The following DSCAML1 variants were observed in gnomAD, a reference collection of about 807,000 sequenced individuals.
DSCAML1 encodes cell adhesion molecule DSCAML1.
A neutral mutation model predicts 200.5 loss-of-function variants in DSCAML1; 38 were observed. The ratio of observed to expected loss-of-function variants is 0.19; its 90% CI spans 0.15 to 0.25. The LOEUF is 0.25. Among genes scored for constraint, DSCAML1 ranks in the 10% least tolerant of loss-of-function variants. The pLI is 1.00. For synonymous variants in DSCAML1, 1,215 were observed against 1,165.0 expected (o/e 1.04, Z -0.87); for missense variants, 2,223 against 2,858.8 (o/e 0.78, Z 5.07).
intron 3 of DSCAML1, among the ~76,000 whole-genome samples, chr11:117,641,113 A>T (rs1011242365): frequency 6.6e-6 from 1 of 152,222 alleles, no homozygotes; most frequent in East Asian, 1.9e-4. Flanking sequence ...CCTGTTTCCA[A>T]TAGGGGTAGG....
chr11:117,455,727 C>T (rs1330186263), intron 19 of DSCAML1, among the ~76,000 whole-genome samples: 2 of 151,908 alleles, frequency 1.3e-5, no homozygotes, highest in Non-Finnish European at 2.9e-5. Flanking sequence ...AGGATATTTG[C>T]AAAAGCTCCC....
At chr11:117,541,967 C>CTGA (rs2050277601) in intron 3 of DSCAML1, among the ~76,000 whole-genome samples, 1 of 152,180 alleles carries the variant, frequency 6.6e-6, no homozygotes, top group Admixed American at 6.5e-5. Flanking sequence ...AGGATGGAAC[C>CTGA]ACATTCAAGT....
At chr11:117,559,380 C>T (rs760301263) in intron 3 of DSCAML1, among the ~76,000 whole-genome samples, 4 of 152,290 alleles carry the variant, frequency 2.6e-5, no homozygotes, top group South Asian at 4.1e-4. Context: ...GCCTCACTTT[C>T]GTAACCAACT....
At chr11:117,660,439 T>C (rs886433553) in intron 3 of DSCAML1, among the ~76,000 whole-genome samples, 17 of 152,198 alleles carry the variant, frequency 1.1e-4, no homozygotes, top group African/African-American at 4.8e-5. Flanking sequence ...GGCTGGATTC[T>C]GTAATCTCTG....
rs546788837 is a variant in DSCAML1, at chr11:117,770,294, T to C, written c.511+6497A>G. ...AGGGGTCCAAGCTCCTTTTGTTGAA[T>C]TGCCTCGGATCTATCATCTATTTCC... On this transcript the variant is annotated intron_variant, in intron 3 of 32. Coordinates refer to ENST00000651296, the MANE Select transcript of DSCAML1 (RefSeq NM_020693.4). Among the ~76,000 whole-genome samples, 49 of 152,326 alleles carry C rather than the reference T, an allele frequency of 3.2e-4. 2 individuals carry two copies. In the South Asian group the frequency reaches 9.5e-3, roughly 30 times the overall value.
intron 1 of DSCAML1, among the ~76,000 whole-genome samples, chr11:117,794,552 C>T (rs71480357): frequency 1.3e-5 from 2 of 152,084 alleles, no homozygotes; most frequent in Non-Finnish European, 2.9e-5. Flanking sequence ...GTTTTCTTCT[C>T]TCTCTCCCTG....
chr11:117,547,487 TAC>T (rs2137382757), intron 3 of DSCAML1, among the ~76,000 whole-genome samples: 1 of 142,620 alleles, frequency 7.0e-6, no homozygotes, highest in East Asian at 2.0e-4. Context: ...CCCTACACCC[TAC>T]ACCGCCATTA....
At chr11:117,593,972 C>T (rs899839081) in intron 3 of DSCAML1, among the ~76,000 whole-genome samples, 1 of 152,162 alleles carries the variant, frequency 6.6e-6, no homozygotes, top group Non-Finnish European at 1.5e-5. Flanking sequence ...CTCAGCCTTC[C>T]AAAGTGCTGG....
At chr11:117,536,294 C>T (rs973416353) in intron 3 of DSCAML1, among the ~76,000 whole-genome samples, 6 of 151,934 alleles carry the variant, frequency 3.9e-5, no homozygotes, top group African/African-American at 2.4e-5. Flanking sequence ...AGGCCCGGCC[C>T]GCTGTTTGGG....
At chr11:117,592,609 A>G (rs372413232) in intron 3 of DSCAML1, among the ~76,000 whole-genome samples, 2 of 152,190 alleles carry the variant, frequency 1.3e-5, no homozygotes, top group East Asian at 1.9e-4. Context: ...TAGTCATTGT[A>G]TTGAGCTAAT....
rs977800577 is a variant in DSCAML1 at position 117,582,197 on chromosome 11, A to G, written c.512-49675T>C. On this transcript the variant is annotated intron_variant, in intron 3 of 32. Transcript: ENST00000651296. The stretch of plus-strand genomic sequence containing the variant: ...TGGACCTGGTGTCTAATTTTATTTC[A>G]GCTGCTGCTTTGTGGATGTTGGGCT... Among the ~76,000 whole-genome samples the G allele has an allele frequency of 2.6e-5, 4 of 152,328 alleles. No homozygotes were observed. The East Asian group carries it at 7.7e-4, about 29-fold the overall frequency.
chr11:117,617,722 A>T (rs531196059), intron 3 of DSCAML1, among the ~76,000 whole-genome samples: 2,489 of 132,004 alleles, frequency 0.019, 9 homozygotes, highest in Non-Finnish European at 0.021. Flanking sequence ...ACACACACAC[A>T]CTCTCACTGC....
rs766760404 is a variant in DSCAML1, at chr11:117,525,038, T to C, written c.704A>G (p.Gln235Arg). Reference protein sequence around the residue: ...IPTILDGFHSQEVWAGHTVEL... With the variant: ...IPTILDGFHSREVWAGHTVEL... ...CACGGTGTGGCCGGCCCACACTTCC[T>C]GGGAGTGGAAGCCATCCAGGATGGT... The change falls in exon 5 of 33, where the codon CAG (glutamine) becomes CGG (arginine). Residue 235 changes from glutamine (Q) to arginine (R), a missense_variant. Around this residue, in one of 7 missense-constraint regions of DSCAML1, gnomAD observed 579 missense variants for 721.5 expected, o/e 0.80. Coordinates refer to ENST00000651296, the MANE Select transcript of DSCAML1 (RefSeq NM_020693.4). 6 of 1,594,206 alleles carry C rather than the reference T, an allele frequency of 3.8e-6. No individual in the cohort carries two copies. The highest frequency in any genetic ancestry group is 3.5e-5 in the Admixed American group (2 of 56,882).
At chr11:117,431,829 G>T in intron 30 of DSCAML1, 101 bp from the exon 31 acceptor site, 1 of 1,180,782 alleles carries the variant, frequency 8.5e-7, no homozygotes, top group Non-Finnish European at 1.2e-6. Flanking sequence ...AAGGGAAGAG[G>T]CAGATGCAGC....
At chr11:117,616,954 A>G (rs2051821988) in intron 3 of DSCAML1, among the ~76,000 whole-genome samples, 1 of 152,214 alleles carries the variant, frequency 6.6e-6, no homozygotes. Context: ...ACTTCAGGGG[A>G]TATACTGACA....
chr11:117,506,789 C>T (rs1406976047), intron 8 of DSCAML1, among the ~76,000 whole-genome samples: 1 of 152,090 alleles, frequency 6.6e-6, no homozygotes, highest in Non-Finnish European at 1.5e-5. Context: ...TCAAGTGATC[C>T]TCCCACCTCA....
chr11:117,429,313 CCT>C (rs2047735035), intron 32 of DSCAML1, among the ~76,000 whole-genome samples: 3 of 152,196 alleles, frequency 2.0e-5, no homozygotes, highest in Non-Finnish European at 4.4e-5. Flanking sequence ...AAGGCGTTCC[CCT>C]CTTTCCCATG....
chr11:117,655,602 G>A (rs2052717904), intron 3 of DSCAML1, among the ~76,000 whole-genome samples: 1 of 152,202 alleles, frequency 6.6e-6, no homozygotes, highest in African/African-American at 2.4e-5. Context: ...GCTCCCCAGT[G>A]CCAGAAATCC....
chr11:117,734,217 C>G (rs1319886163), intron 3 of DSCAML1, among the ~76,000 whole-genome samples: 1 of 152,252 alleles, frequency 6.6e-6, no homozygotes, highest in Non-Finnish European at 1.5e-5. Context: ...AGTGACCTCA[C>G]TGCTGGGACA....
Sources: allele counts gnomAD v4.1 joint callset (sites outside exome capture counted in the v4.1 genomes callset), GRCh38; gene constraint gnomAD v4.1.1; regional missense constraint gnomAD v4.1.1; transcripts MANE v1.5; gene names NCBI Gene and HGNC (gene_info 2026-07-23, HGNC 2026-07-21).